Variants in TMEM242 observed in about 807,000 individuals in gnomAD.
TMEM242 encodes the protein transmembrane protein 242.
TMEM242 carries 10 observed loss-of-function variants against 18.2 expected under a neutral mutation model. That is an observed-to-expected ratio of 0.55 (90% CI 0.34 to 0.93). The LOEUF is 0.93. Among genes scored for constraint, TMEM242 ranks in the 40% least tolerant of loss-of-function variants. The pLI is 0.02. For synonymous variants in TMEM242, 57 were observed against 69.9 expected, an observed-to-expected ratio of 0.81 and a Z score of 0.92; for missense variants, 186 against 175.5, an observed-to-expected ratio of 1.06 and a Z score of -0.34.
Position 157,289,301 on chromosome 6 carries a change from G to A in TMEM242, c.*3600C>T, listed in dbSNP as rs951825459. Reference sequence around the variant, plus strand: ...TTATTACAGATTCATGTCACTGCTTGTGAGAGATGCTTGCTTTCCTCTTCT... The same window carrying A: ...TTATTACAGATTCATGTCACTGCTTATGAGAGATGCTTGCTTTCCTCTTCT... On this transcript the variant is annotated 3_prime_UTR_variant, in exon 4 of 4. Transcript: ENST00000400788. 2 of 152,162 alleles carry A rather than the reference G, an allele frequency of 1.3e-5. No individual in the cohort carries two copies. Among genetic ancestry groups the A allele is most frequent in the African/African-American group, 4.8e-5 (2 of 41,436 alleles). The allele number at this position is 152,162 out of a possible 1,614,324, so 9.4% of individuals were successfully genotyped here. A position where few individuals can be genotyped will look rare whatever the true frequency, so the allele number is the denominator to read the frequency against.
chr6:157,320,605 G>C (rs782206216), intron 2 of TMEM242, among the ~76,000 whole-genome samples: 1 of 152,042 alleles, frequency 6.6e-6, no homozygotes, highest in Non-Finnish European at 1.5e-5. Flanking sequence ...CAAGTAGCTG[G>C]GATTACAGGT....
At chr6:157,311,012 A>G (rs372071373) in intron 3 of TMEM242, among the ~76,000 whole-genome samples, 20 of 610 alleles carry the variant, frequency 0.033, no homozygotes, top group Admixed American at 0.11. Flanking sequence ...CCCAGTGTGC[A>G]GTCACCTAGC....
intron 2 of TMEM242, 45 bp downstream of exon 2, chr6:157,322,660 T>G (rs782334775): frequency 6.5e-7 from 1 of 1,539,436 alleles, no homozygotes; most frequent in Non-Finnish European, 8.9e-7. Flanking sequence ...CTGCCATATA[T>G]TGTAAACAAT....
chr6:157,320,907 G>A (rs1778485083), intron 2 of TMEM242, among the ~76,000 whole-genome samples: 1 of 151,724 alleles, frequency 6.6e-6, no homozygotes, highest in Non-Finnish European at 1.5e-5. Flanking sequence ...GAAAAAAGTG[G>A]CTAGTTCAGC....
intron 2 of TMEM242, 126 bp downstream of exon 2, chr6:157,322,579 T>C (rs1778512992): frequency 1.4e-6 from 1 of 692,794 alleles, no homozygotes; most frequent in Non-Finnish European, 2.4e-6. Context: ...CTAGAATCCA[T>C]GAGCGTATAT....
Position 157,305,542 on chromosome 6 carries a change from G to A in TMEM242, c.328-12543C>T, listed in dbSNP as rs587647161. 3.9e-5 allele frequency among the ~76,000 whole-genome samples: 6 copies of A among 152,294 alleles called. No individual in the cohort carries two copies. The South Asian group carries it at 1.2e-3, about 32-fold the overall frequency. ...CAGGGCTGGGGCTATGTATCTGGAC[G>A]GCATCAGATAGTACTGTTTGTTTTA... is the stretch of plus-strand genomic sequence containing the variant. On this transcript the variant is annotated intron_variant, in intron 3 of 3. Transcript: ENST00000400788. The surrounding 1 kb of genome is among the most constrained non-coding windows in gnomAD (Gnocchi z 4.1).
At chr6:157,312,711 C>A (rs1554249399) in intron 3 of TMEM242, among the ~76,000 whole-genome samples, 6 of 146,276 alleles carry the variant, frequency 4.1e-5, no homozygotes, top group African/African-American at 1.5e-4. Flanking sequence ...TGTGCGCTCA[C>A]CTGGCCTCAT....
At chr6:157,322,847 T>A (rs782693225) in intron 1 of TMEM242, 42 bp from the exon 2 acceptor site, 15 of 1,525,126 alleles carry the variant, frequency 9.8e-6, no homozygotes, top group Middle Eastern at 1.7e-4. Flanking sequence ...TTAAAAAAAA[T>A]TAAATAAAAA....
At chr6:157,310,374 G>A (rs1381058271) in intron 3 of TMEM242, among the ~76,000 whole-genome samples, 11 of 81,562 alleles carry the variant, frequency 1.3e-4, no homozygotes, top group Admixed American at 1.2e-3. Context: ...ATCCCAGTGT[G>A]CACTCACCTG....
intron 3 of TMEM242, among the ~76,000 whole-genome samples, chr6:157,310,791 C>A (rs28588117): frequency 0.082 from 159 of 1,948 alleles, no homozygotes; most frequent in African/African-American, 0.22. Flanking sequence ...TGCACTCACC[C>A]GGCCTCATCA....
chr6:157,314,164 G>A (rs797036051), intron 3 of TMEM242, among the ~76,000 whole-genome samples: 207 of 2,288 alleles, frequency 0.09, no homozygotes, highest in Admixed American at 0.11. Context: ...CCCTGTGTGC[G>A]CTCACCCGGC....
intron 3 of TMEM242, among the ~76,000 whole-genome samples, chr6:157,307,044 A>G (rs1375963648): frequency 2.0e-5 from 3 of 152,244 alleles, no homozygotes; most frequent in Non-Finnish European, 2.9e-5. Context: ...TCAACTATAT[A>G]TTAGTGTAAT....
At chr6:157,299,470 G>C in intron 3 of TMEM242, 4 of 1,395,822 alleles carry the variant, frequency 2.9e-6, no homozygotes, top group Non-Finnish European at 4.1e-6. Context: ...TTTCAGAGTG[G>C]ATACCAAGCT....
chr6:157,319,027 G>A, intron 2 of TMEM242, 108 bp from the exon 3 acceptor site: 1 of 1,182,748 alleles, frequency 8.5e-7, no homozygotes, highest in South Asian at 2.2e-5. Flanking sequence ...ATATTAGGAA[G>A]CTAAATCAAC....
chr6:157,303,112 TG>T (rs1353231121), intron 3 of TMEM242, among the ~76,000 whole-genome samples: 1 of 152,256 alleles, frequency 6.6e-6, no homozygotes, highest in Admixed American at 6.5e-5. Flanking sequence ...CACAGTTAAA[TG>T]TAAAATACTT....
chr6:157,310,789 C>A (rs1554248445), intron 3 of TMEM242, among the ~76,000 whole-genome samples: 1 of 1,076 alleles, frequency 9.3e-4, no homozygotes, highest in African/African-American at 5.6e-3. Flanking sequence ...TGTGCACTCA[C>A]CCGGCCTCAT....
At chr6:157,301,436 C>T (rs1277563265) in intron 3 of TMEM242, among the ~76,000 whole-genome samples, 2 of 151,988 alleles carry the variant, frequency 1.3e-5, no homozygotes, top group South Asian at 2.1e-4. Flanking sequence ...CTCAGCCTCC[C>T]GAGTAGCTGG....
At chr6:157,314,273 T>C (rs62422773) in intron 3 of TMEM242, among the ~76,000 whole-genome samples, 529 of 10,812 alleles carry the variant, frequency 0.049, no homozygotes, top group South Asian at 0.054. Context: ...TGCGCTCACC[T>C]GGCCTCATCA....
chr6:157,294,946 G>T (rs1777732987), intron 3 of TMEM242, among the ~76,000 whole-genome samples: 1 of 152,130 alleles, frequency 6.6e-6, no homozygotes, highest in Non-Finnish European at 1.5e-5. Context: ...AGAGTTGTGA[G>T]GATTAAGGAC....
Sources: gnomAD v4.1 joint callset for allele counts (sites outside exome capture counted in the v4.1 genomes callset) on GRCh38, gnomAD v4.1.1 for gene constraint, Gnocchi (gnomAD v3.1) non-coding constraint, MANE v1.5 for transcripts, NCBI Gene and HGNC (gene_info 2026-07-23, HGNC 2026-07-21) for gene names.